NCAM2: variants seen among roughly 807,000 people sequenced by gnomAD.
NCAM2 encodes neural cell adhesion molecule 2, also known as N-CAM-2.
A neutral mutation model predicts 98.1 loss-of-function variants in NCAM2; 30 were observed. The observed-to-expected ratio is 0.31, with a 90% CI of 0.23 to 0.41. NCAM2 has a LOEUF of 0.41. Among genes scored for constraint, NCAM2 ranks in the 10% least tolerant of loss-of-function variants. The probability of loss-of-function intolerance (pLI) is 1.00; values close to 1 mark genes in which losing one functional copy is unlikely to be tolerated. For missense variants in NCAM2, 867 were observed against 1,005.8 expected, an observed-to-expected ratio of 0.86 and a Z score of 1.87; for synonymous variants, 368 against 342.4, an observed-to-expected ratio of 1.07 and a Z score of -0.83.
intron 15 of NCAM2, among the ~76,000 whole-genome samples, chr21:21,504,105 T>C (rs1403708051): frequency 6.6e-6 from 1 of 151,978 alleles, no homozygotes; most frequent in Non-Finnish European, 1.5e-5. Flanking sequence ...TGCTGTACTG[T>C]ATTTTATCCA....
chr21:21,156,752 A>C (rs9984881), intron 1 of NCAM2, among the ~76,000 whole-genome samples: 2,004 of 152,154 alleles, frequency 0.013, 33 homozygotes, highest in Middle Eastern at 0.054. Flanking sequence ...AGAAACCAGA[A>C]TCATAATTAT....
chr21:21,141,351 A>C (rs2146655124), intron 1 of NCAM2, among the ~76,000 whole-genome samples: 1 of 152,294 alleles, frequency 6.6e-6, no homozygotes, highest in Non-Finnish European at 1.5e-5. Flanking sequence ...GATCTTTGCT[A>C]GATCCATTAA....
At chr21:21,360,511 A>T (rs942173387) in intron 8 of NCAM2, among the ~76,000 whole-genome samples, 4 of 152,008 alleles carry the variant, frequency 2.6e-5, no homozygotes, top group Admixed American at 6.6e-5. Flanking sequence ...TACTTATAAG[A>T]TAATGTATTT....
At chr21:21,495,851 T>A (rs1417439762) in intron 15 of NCAM2, among the ~76,000 whole-genome samples, 1 of 152,014 alleles carries the variant, frequency 6.6e-6, no homozygotes, top group Admixed American at 6.6e-5. Flanking sequence ...CATTGGTCAC[T>A]AATTTATATG....
intron 1 of NCAM2, among the ~76,000 whole-genome samples, chr21:21,113,116 A>C (rs939136294): frequency 2.6e-4 from 8 of 30,744 alleles, no homozygotes; most frequent in African/African-American, 1.6e-3. Flanking sequence ...AGATTCATGG[A>C]ATATAGCTTT....
At chr21:21,008,020 A>G (rs1310997258) in intron 1 of NCAM2, among the ~76,000 whole-genome samples, 1 of 152,126 alleles carries the variant, frequency 6.6e-6, no homozygotes, top group Non-Finnish European at 1.5e-5. Context: ...TCACTGCCTG[A>G]AGAGAGCAGT....
intron 1 of NCAM2, among the ~76,000 whole-genome samples, chr21:21,259,717 A>G (rs1394024054): frequency 6.6e-6 from 1 of 152,064 alleles, no homozygotes; most frequent in Non-Finnish European, 1.5e-5. Context: ...GATTAAATGT[A>G]CAATGGATTG....
chr21:21,172,415 TC>T (rs2068154723), intron 1 of NCAM2, among the ~76,000 whole-genome samples: 4 of 152,248 alleles, frequency 2.6e-5, no homozygotes, highest in Middle Eastern at 6.8e-3. Context: ...ATGTCTTTTT[TC>T]CTAAACTTTT....
At chr21:21,420,399 T>A (rs1178864294) in intron 11 of NCAM2, among the ~76,000 whole-genome samples, 2 of 151,990 alleles carry the variant, frequency 1.3e-5, no homozygotes, top group Non-Finnish European at 2.9e-5. Context: ...AAATACATTT[T>A]AAAAAATAGT....
intron 1 of NCAM2, among the ~76,000 whole-genome samples, chr21:21,050,231 A>G (rs1477237637): frequency 2.6e-5 from 4 of 152,204 alleles, no homozygotes; most frequent in African/African-American, 9.6e-5. Flanking sequence ...TACCAGACCT[A>G]AAAAAGTGAA....
At chr21:21,317,133 T>C (rs1468923657) in intron 5 of NCAM2, among the ~76,000 whole-genome samples, 3 of 152,204 alleles carry the variant, frequency 2.0e-5, no homozygotes, top group Admixed American at 1.3e-4. Flanking sequence ...GCTGTACTGC[T>C]GAGTGACATC....
chr21:21,011,446 C>A (rs997776169), intron 1 of NCAM2, among the ~76,000 whole-genome samples: 1 of 151,862 alleles, frequency 6.6e-6, no homozygotes, highest in South Asian at 2.1e-4. Context: ...GCCAATTCTC[C>A]CCCCGCCTCC....
intron 1 of NCAM2, among the ~76,000 whole-genome samples, chr21:21,043,075 A>G (rs1433773827): frequency 6.6e-6 from 1 of 152,234 alleles, no homozygotes; most frequent in Admixed American, 6.5e-5. Flanking sequence ...CAGCTAATTT[A>G]CAAGTGCAAA....
chr21:21,167,176 G>A (rs1049916096), intron 1 of NCAM2, among the ~76,000 whole-genome samples: 3 of 151,822 alleles, frequency 2.0e-5, no homozygotes, highest in African/African-American at 7.3e-5. Context: ...TAAAGTGAAC[G>A]TTCTTGTGTT....
intron 12 of NCAM2, among the ~76,000 whole-genome samples, chr21:21,437,543 T>C (rs940208380): frequency 2.7e-5 from 4 of 150,420 alleles, no homozygotes; most frequent in East Asian, 2.0e-4. Context: ...ATATTAACGG[T>C]CCCGGTTTAT....
At chr21:21,519,697 TTTC>T (rs1440921318) in intron 16 of NCAM2, among the ~76,000 whole-genome samples, 3 of 152,162 alleles carry the variant, frequency 2.0e-5, no homozygotes, top group African/African-American at 7.2e-5. Flanking sequence ...TTTATATAAA[TTTC>T]TTCTGCTTTG....
chr21:21,266,434 G>T (rs187416591), intron 1 of NCAM2, among the ~76,000 whole-genome samples: 1 of 151,980 alleles, frequency 6.6e-6, no homozygotes, highest in African/African-American at 2.4e-5. Context: ...AAATAATTAT[G>T]CGGTACTATT....
intron 1 of NCAM2, among the ~76,000 whole-genome samples, chr21:21,041,802 T>G (rs2146263042): frequency 6.6e-6 from 1 of 152,300 alleles, no homozygotes; most frequent in South Asian, 2.1e-4. Context: ...ACACTTGTCC[T>G]GAAAGACAGG....
At chr21:21,278,454 T>C (rs184114508) in intron 1 of NCAM2, among the ~76,000 whole-genome samples, 2 of 152,320 alleles carry the variant, frequency 1.3e-5, no homozygotes, top group East Asian at 3.9e-4. Context: ...TTGGCATTAA[T>C]GGTTTATCTA....
Sources: gnomAD v4.1 joint callset for allele counts (sites outside exome capture counted in the v4.1 genomes callset) on GRCh38, gnomAD v4.1.1 for gene constraint, MANE v1.5 for transcripts, NCBI Gene and HGNC (gene_info 2026-07-23, HGNC 2026-07-21) for gene names.